TYW1B: variants seen among roughly 807,000 people sequenced by gnomAD.
The protein encoded by TYW1B is S-adenosyl-L-methionine-dependent tRNA 4-demethylwyosine synthase TYW1B.
A neutral mutation model predicts 86.9 loss-of-function variants in TYW1B; 73 were observed. That is an observed-to-expected ratio of 0.84 (90% CI 0.70 to 1.02). The LOEUF is 1.02. Ranked by LOEUF, TYW1B falls within the 50% of genes least tolerant of loss-of-function variation. The probability of loss-of-function intolerance (pLI) is 0.00; values close to 1 mark genes in which losing one functional copy is unlikely to be tolerated. For missense variants in TYW1B, 637 were observed against 827.4 expected, an observed-to-expected ratio of 0.77 and a Z score of 2.82; for synonymous variants, 248 against 292.8, an observed-to-expected ratio of 0.85 and a Z score of 1.56.
At chr7:72,810,121 T>C (rs1554477704) in intron 4 of TYW1B, among the ~76,000 whole-genome samples, 1 of 144,522 alleles carries the variant, frequency 6.9e-6, no homozygotes, top group Non-Finnish European at 1.5e-5. Flanking sequence ...CTAGTAAAAA[T>C]ACAAAAATTG....
At chr7:72,625,924 G>A (rs1400614071) in intron 12 of TYW1B, among the ~76,000 whole-genome samples, 1 of 145,392 alleles carries the variant, frequency 6.9e-6, no homozygotes, top group Non-Finnish European at 1.5e-5. Flanking sequence ...GGAAGGAAAT[G>A]AAAAAAGGGG....
chr7:72,683,834 T>C (rs1212198115), intron 11 of TYW1B, among the ~76,000 whole-genome samples: 1 of 152,020 alleles, frequency 6.6e-6, no homozygotes, highest in Non-Finnish European at 1.5e-5. Context: ...AGGGCTCCAG[T>C]GGATAAAGTA....
intron 7 of TYW1B, among the ~76,000 whole-genome samples, chr7:72,755,849 T>A (rs182049429): frequency 6.6e-6 from 1 of 152,228 alleles, no homozygotes; most frequent in African/African-American, 2.4e-5. Context: ...ATTTTGACAA[T>A]GGCAGAGGCC....
At position 72,679,956 on chromosome 7, in the gene TYW1B, C is replaced by T. The variant is rs142689731; in HGVS notation, c.1506+14731G>A. Among the ~76,000 whole-genome samples, 129 of 152,190 alleles carry T rather than the reference C, an allele frequency of 8.5e-4. 1 individual carries two copies. The highest frequency in any genetic ancestry group is 2.8e-3 in the African/African-American group (115 of 41,538). On this transcript the variant is annotated intron_variant, in intron 11 of 13. Coordinates refer to ENST00000620995, the MANE Select transcript of TYW1B (RefSeq NM_001145440.3). ...ACCAACCTGAGCAACACAGTGAGAC[C>T]GTATCTCTACAAAATGCAAAAATTA...
chr7:72,757,056 C>T (rs767322003), intron 7 of TYW1B, among the ~76,000 whole-genome samples: 37 of 151,996 alleles, frequency 2.4e-4, no homozygotes, highest in Non-Finnish European at 2.9e-4. Context: ...AACGTATCTC[C>T]ATGCGAAAAT....
Position 72,574,954 on chromosome 7 carries a change from A to G in TYW1B, c.*544T>C. The G allele has an allele frequency of 1.0e-6, 1 of 988,172 alleles. No homozygotes were observed. Among genetic ancestry groups the G allele is most frequent in the Non-Finnish European group, 1.2e-6 (1 of 831,598 alleles). 61.2% of individuals were successfully genotyped at this position (988,172 alleles called of 1,614,324 possible). On this transcript the variant is annotated 3_prime_UTR_variant, in exon 14 of 14. Coordinates refer to ENST00000620995, the MANE Select transcript of TYW1B (RefSeq NM_001145440.3). The stretch of plus-strand genomic sequence containing the variant: ...TAATAAACCAAAACTCAATCTATGC[A>G]GTATTTAAAAAATAATTGAGAGTTG...
rs1431409991 is a variant in TYW1B, at chr7:72,703,852, C to T, written c.1371-9030G>A. 2.1e-5 allele frequency among the ~76,000 whole-genome samples: 3 copies of T among 145,324 alleles called. No homozygotes were observed. In the South Asian group the frequency reaches 6.5e-4, roughly 31 times the overall value. On this transcript the variant is annotated intron_variant, in intron 10 of 13. Coordinates refer to ENST00000620995, the MANE Select transcript of TYW1B (RefSeq NM_001145440.3). ...GCTGGGTGACAGGGTGAGACCCTGT[C>T]TCAAAAAAAAAAAAAGAAAAGAAAA... is the stretch of plus-strand genomic sequence containing the variant.
At chr7:72,580,416 C>T (rs1260064826) in intron 13 of TYW1B, among the ~76,000 whole-genome samples, 1 of 152,114 alleles carries the variant, frequency 6.6e-6, no homozygotes, top group East Asian at 1.9e-4. Context: ...AAGAATCCCT[C>T]GAATCCAACA....
rs368370886 is a variant in TYW1B at position 72,674,488 on chromosome 7, A to AT, written c.1506+20198dup. On this transcript the variant is annotated intron_variant, in intron 11 of 13. Transcript: ENST00000620995. ...CTATAGGTTTCATTCCAACTCAAAG[A>AT]TTTTTTTTTTAATTAGGTCTTAATC... Among the ~76,000 whole-genome samples, 395 of 149,712 alleles carry AT rather than the reference A, an allele frequency of 2.6e-3. 1 individual carries two copies. Among genetic ancestry groups the AT allele is most frequent in the African/African-American group, 6.9e-3 (280 of 40,778 alleles).
chr7:72,616,932 C>T, intron 12 of TYW1B, 93 bp from the exon 13 acceptor site: 2 of 1,507,992 alleles, frequency 1.3e-6, no homozygotes, highest in Non-Finnish European at 1.8e-6. Flanking sequence ...TGAGGTCAAC[C>T]AATGCAATCC....
At chr7:72,759,670 G>A (rs1383285164) in intron 7 of TYW1B, among the ~76,000 whole-genome samples, 1 of 152,124 alleles carries the variant, frequency 6.6e-6, no homozygotes, top group Non-Finnish European at 1.5e-5. Context: ...TAAATCTGCT[G>A]ACTTTTCTAT....
intron 11 of TYW1B, among the ~76,000 whole-genome samples, chr7:72,694,396 A>G (rs1814256894): frequency 6.6e-6 from 1 of 152,202 alleles, no homozygotes; most frequent in South Asian, 2.1e-4. Flanking sequence ...GTTATTAATT[A>G]ACTTTGGGAG....
chr7:72,775,465 T>C (rs1326409825), intron 7 of TYW1B, among the ~76,000 whole-genome samples: 1 of 152,092 alleles, frequency 6.6e-6, no homozygotes, highest in Admixed American at 6.6e-5. Flanking sequence ...AACAAAAGGA[T>C]GACTGCTGAA....
intron 10 of TYW1B, among the ~76,000 whole-genome samples, chr7:72,709,394 C>T (rs1333468430): frequency 1.3e-5 from 2 of 152,170 alleles, no homozygotes; most frequent in Non-Finnish European, 2.9e-5. Context: ...CGTGGCCGAG[C>T]GTGGTGGCTC....
At chr7:72,761,119 A>G (rs1787679105) in intron 7 of TYW1B, among the ~76,000 whole-genome samples, 1 of 152,206 alleles carries the variant, frequency 6.6e-6, no homozygotes, top group South Asian at 2.1e-4. Flanking sequence ...TTTTTCAAGT[A>G]ATTTGAAATC....
At chr7:72,657,391 A>G (rs1383926326) in intron 11 of TYW1B, among the ~76,000 whole-genome samples, 11 of 152,170 alleles carry the variant, frequency 7.2e-5, no homozygotes, top group Non-Finnish European at 1.5e-4. Context: ...GGAGTTCCAG[A>G]AAGAGAAGAA....
At chr7:72,591,288 G>A (rs1811389033) in intron 13 of TYW1B, among the ~76,000 whole-genome samples, 1 of 151,942 alleles carries the variant, frequency 6.6e-6, no homozygotes, top group Non-Finnish European at 1.5e-5. Flanking sequence ...AGAAATAATG[G>A]TCAAAATTTT....
At chr7:72,731,509 CT>C (rs1222909655) in intron 8 of TYW1B, among the ~76,000 whole-genome samples, 1 of 151,756 alleles carries the variant, frequency 6.6e-6, no homozygotes, top group African/African-American at 2.4e-5. Flanking sequence ...ATTAAAGTCC[CT>C]TGTTAAAAGA....
chr7:72,632,356 T>TA (rs1812529781), intron 11 of TYW1B, among the ~76,000 whole-genome samples: 2 of 100,996 alleles, frequency 2.0e-5, no homozygotes, highest in Admixed American at 2.4e-4. Flanking sequence ...TTATATATAT[T>TA]ATATATATAC....
Sources: gnomAD v4.1 joint callset for allele counts (sites outside exome capture counted in the v4.1 genomes callset) on GRCh38, gnomAD v4.1.1 for gene constraint, MANE v1.5 for transcripts, NCBI Gene and HGNC (gene_info 2026-07-23, HGNC 2026-07-21) for gene names.